The following CDCA7L variants were observed in gnomAD, a reference collection of about 807,000 sequenced individuals.
The protein encoded by CDCA7L is cell division cycle-associated 7-like protein.
A neutral mutation model predicts 57.4 loss-of-function variants in CDCA7L; 44 were observed. The ratio of observed to expected loss-of-function variants is 0.77; its 90% CI spans 0.60 to 0.98. The LOEUF (loss-of-function observed/expected upper bound fraction) is 0.98, where lower values mean the gene tolerates loss of function less well. Ranked by LOEUF, CDCA7L falls within the 50% of genes least tolerant of loss-of-function variation. CDCA7L has a pLI of 0.00. For missense variants in CDCA7L, 644 were observed against 580.6 expected (o/e 1.11, Z -1.12); for synonymous variants, 236 against 202.8 (o/e 1.16, Z -1.39).
chr7:21,936,059 C>T (rs889309675), intron 1 of CDCA7L, among the ~76,000 whole-genome samples: 1 of 151,894 alleles, frequency 6.6e-6, no homozygotes, highest in South Asian at 2.1e-4. Context: ...TATAAACAAC[C>T]GTATGCCAAC....
In CDCA7L at chr7:21,945,885, G is replaced by A. The variant is rs929316565; in HGVS notation, c.-81C>T. 7.5e-6 allele frequency: 11 copies of A among 1,460,162 alleles called. No individual in the cohort carries two copies. The Admixed American group carries it at 1.2e-4, about 16-fold the overall frequency. 90.5% of individuals were successfully genotyped at this position (1,460,162 alleles called of 1,614,324 possible). A position where few individuals can be genotyped will look rare whatever the true frequency, so the allele number is the denominator to read the frequency against. Reference sequence around the variant, plus strand: ...CACCACGGCCCGGCGCACCAAGAACGCCCCGCGCCCGAGCAGCTAGCGCGC... The same window carrying A: ...CACCACGGCCCGGCGCACCAAGAACACCCCGCGCCCGAGCAGCTAGCGCGC... On this transcript the variant is annotated 5_prime_UTR_variant, in exon 1 of 10. Transcript: ENST00000406877.
At chr7:21,907,090 T>TGATGAGA (rs1785165621) in intron 4 of CDCA7L, among the ~76,000 whole-genome samples, 1 of 152,230 alleles carries the variant, frequency 6.6e-6, no homozygotes, top group Non-Finnish European at 1.5e-5. Context: ...TTAAATAGAT[T>TGATGAGA]AATTTCTCAT....
intron 8 of CDCA7L, among the ~76,000 whole-genome samples, chr7:21,903,450 T>C (rs1392338069): frequency 6.6e-6 from 1 of 152,118 alleles, no homozygotes; most frequent in Non-Finnish European, 1.5e-5. Flanking sequence ...TTCCAAAATA[T>C]CAAGGTATGA....
chr7:21,902,443 CAAAGCCA>C (rs1784944531), intron 9 of CDCA7L, 91 bp from the exon 10 acceptor site: 1 of 1,265,104 alleles, frequency 7.9e-7, no homozygotes, highest in African/African-American at 1.5e-5. Context: ...TCTAAGAGTA[CAAAGCCA>C]GAACCCAGAT....
At chr7:21,926,917 G>A (rs1785849192) in intron 1 of CDCA7L, among the ~76,000 whole-genome samples, 1 of 151,962 alleles carries the variant, frequency 6.6e-6, no homozygotes, top group Non-Finnish European at 1.5e-5. Flanking sequence ...TTGAATAGAA[G>A]CCATGGGGAG....
intron 1 of CDCA7L, among the ~76,000 whole-genome samples, chr7:21,933,442 C>A (rs944928635): frequency 1.3e-5 from 2 of 152,164 alleles, no homozygotes; most frequent in Non-Finnish European, 2.9e-5. Flanking sequence ...AAATGTGGCA[C>A]ATATACACCA....
chr7:21,906,722 T>C, intron 4 of CDCA7L, 83 bp from the exon 5 acceptor site: 1 of 1,343,134 alleles, frequency 7.4e-7, no homozygotes, highest in Non-Finnish European at 1.1e-6. Flanking sequence ...AAGTCTTCCA[T>C]TTTGCCACCA....
chr7:21,933,656 T>C (rs1051534244), intron 1 of CDCA7L, among the ~76,000 whole-genome samples: 1 of 151,162 alleles, frequency 6.6e-6, no homozygotes, highest in Non-Finnish European at 1.5e-5. Flanking sequence ...CCCGTCGGGG[T>C]TGGGGGACTA....
At chr7:21,938,154 A>G (rs1446566968) in intron 1 of CDCA7L, among the ~76,000 whole-genome samples, 1 of 152,242 alleles carries the variant, frequency 6.6e-6, no homozygotes, top group African/African-American at 2.4e-5. Context: ...TTTGCAAATA[A>G]TATCTAATAA....
At chr7:21,902,582 A>ATTCAGAGT in intron 9 of CDCA7L, 1 of 440,770 alleles carries the variant, frequency 2.3e-6, no homozygotes, top group Non-Finnish European at 4.0e-6. Context: ...GAGTTTATTA[A>ATTCAGAGT]TTACATAAAT....
chr7:21,915,658 A>ACAC (rs59164908), intron 2 of CDCA7L, among the ~76,000 whole-genome samples: 49 of 73,498 alleles, frequency 6.7e-4, no homozygotes, highest in African/African-American at 1.7e-3. Flanking sequence ...AAAAAAAAAA[A>ACAC]ACACACACAC....
In CDCA7L at chr7:21,916,865, G is replaced by A. The variant is rs755210407; in HGVS notation, c.54C>T (p.Asn18=). The part of the protein sequence containing the change: ...QIPKEVADIF[N]APSDDEEFVG... Reference sequence around the variant, plus strand: ...CAAACTCTTCATCATCACTGGGGGCGTTAAAGATGTCAGCCACTTCTTTAG... The same window carrying A: ...CAAACTCTTCATCATCACTGGGGGCATTAAAGATGTCAGCCACTTCTTTAG... The change falls in exon 2 of 10, where the codon AAC becomes AAT. Residue 18 remains asparagine (N), a synonymous_variant. Coordinates refer to ENST00000406877, the MANE Select transcript of CDCA7L (RefSeq NM_018719.5). 3.1e-5 allele frequency: 50 copies of A among 1,613,942 alleles called. No homozygotes were observed. The highest frequency in any genetic ancestry group is 1.6e-4 in the Middle Eastern group (1 of 6,084).
At chr7:21,916,025 G>A (rs183015415) in intron 2 of CDCA7L, among the ~76,000 whole-genome samples, 10 of 152,146 alleles carry the variant, frequency 6.6e-5, no homozygotes, top group East Asian at 5.8e-4. Flanking sequence ...AGTGGCCCAC[G>A]TAATTAAGCA....
intron 3 of CDCA7L, among the ~76,000 whole-genome samples, 181 bp downstream of exon 3, chr7:21,911,436 G>A (rs1298446721): frequency 6.6e-6 from 1 of 152,120 alleles, no homozygotes; most frequent in Non-Finnish European, 1.5e-5. Flanking sequence ...AGAGAATAAT[G>A]GACTGGTGGA....
At chr7:21,917,186 A>G (rs900491239) in intron 1 of CDCA7L, among the ~76,000 whole-genome samples, 1 of 152,152 alleles carries the variant, frequency 6.6e-6, no homozygotes, top group Non-Finnish European at 1.5e-5. Context: ...AAAAAGAAAA[A>G]TTGTTTCTAA....
At chr7:21,926,714 T>A (rs1038456705) in intron 1 of CDCA7L, among the ~76,000 whole-genome samples, 3 of 142,238 alleles carry the variant, frequency 2.1e-5, no homozygotes, top group South Asian at 2.2e-4. Context: ...AAAAAAAAAA[T>A]GTTTTTTAAT....
At chr7:21,926,671 C>A (rs939025504) in intron 1 of CDCA7L, among the ~76,000 whole-genome samples, 1 of 151,684 alleles carries the variant, frequency 6.6e-6, no homozygotes, top group Non-Finnish European at 1.5e-5. Flanking sequence ...CAGTTCTAGA[C>A]CAGCCTGGGC....
chr7:21,906,257 AAAAACTAATTCATGT>A lies in CDCA7L; in HGVS notation c.921+17_921+31del, dbSNP rs1562621127. ...CGTTTGGAGGGATGGTAGCTCAGAC[AAAAACTAATTCATGT>A]ATTAGTCAGAAAATACCCCAATTGT... is the stretch of plus-strand genomic sequence containing the variant. On this transcript the variant is annotated intron_variant, in intron 6 of 9. Transcript: ENST00000406877. 6.4e-7 allele frequency: 1 copy of A among 1,558,536 alleles called. No homozygotes were observed. Among genetic ancestry groups the A allele is most frequent in the East Asian group, 2.3e-5 (1 of 44,258 alleles).
At position 21,932,965 on chromosome 7, in the gene CDCA7L, AAAG is replaced by A. The variant is rs769713427; in HGVS notation, c.24+12813_24+12815del. Among the ~76,000 whole-genome samples the A allele has an allele frequency of 2.6e-5, 4 of 152,262 alleles. No individual in the cohort carries two copies. In the South Asian group the frequency reaches 6.2e-4, roughly 24 times the overall value. On this transcript the variant is annotated intron_variant, in intron 1 of 9. Coordinates refer to ENST00000406877, the MANE Select transcript of CDCA7L (RefSeq NM_018719.5). ...TTAAACAAATTTATAAGAAAAAAAA[AAAG>A]AACAACTTCATCAAAAAGTGGGCGA...
Sources: gnomAD v4.1 joint callset for allele counts (sites outside exome capture counted in the v4.1 genomes callset) on GRCh38, gnomAD v4.1.1 for gene constraint, MANE v1.5 for transcripts, NCBI Gene and HGNC (gene_info 2026-07-23, HGNC 2026-07-21) for gene names.